KCNIP4: variants seen among roughly 807,000 people sequenced by gnomAD.
KCNIP4 encodes the protein Kv channel-interacting protein 4.
KCNIP4 carries 12 observed loss-of-function variants against 34.0 expected under a neutral mutation model. The ratio of observed to expected loss-of-function variants is 0.35; its 90% confidence interval spans 0.23 to 0.57. The LOEUF (loss-of-function observed/expected upper bound fraction) is 0.57, where lower values mean the gene tolerates loss of function less well. Among genes scored for constraint, KCNIP4 ranks in the 20% least tolerant of loss-of-function variants. The probability of loss-of-function intolerance (pLI) is 0.83; values close to 1 mark genes in which losing one functional copy is unlikely to be tolerated. For synonymous variants in KCNIP4, 124 were observed against 102.2 expected, an observed-to-expected ratio of 1.21 and a Z score of -1.29; for missense variants, 238 against 311.7, an observed-to-expected ratio of 0.76 and a Z score of 1.78.
chr4:21,533,441 A>G (rs1434729759), intron 1 of KCNIP4, among the ~76,000 whole-genome samples: 1 of 152,150 alleles, frequency 6.6e-6, no homozygotes, highest in Non-Finnish European at 1.5e-5. Flanking sequence ...AATGTGGTCC[A>G]GAACCAATAG....
At chr4:21,465,390 A>G (rs1030066174) in intron 1 of KCNIP4, among the ~76,000 whole-genome samples, 2 of 152,192 alleles carry the variant, frequency 1.3e-5, no homozygotes, top group South Asian at 2.1e-4. Context: ...GATTCTCTAC[A>G]TGCTCCTTTC....
At chr4:21,105,008 T>G (rs1438013850) in intron 1 of KCNIP4, among the ~76,000 whole-genome samples, 1 of 151,758 alleles carries the variant, frequency 6.6e-6, no homozygotes, top group Non-Finnish European at 1.5e-5. Flanking sequence ...CCTTGTAGTA[T>G]AGTCTGAAGT....
chr4:21,836,799 C>T (rs1029285330), intron 1 of KCNIP4, among the ~76,000 whole-genome samples: 1 of 151,628 alleles, frequency 6.6e-6, no homozygotes, highest in African/African-American at 2.4e-5. Context: ...TGTGGTCAGA[C>T]AACTGAGATA....
intron 1 of KCNIP4, among the ~76,000 whole-genome samples, chr4:21,178,935 A>G (rs1754642869): frequency 1.3e-5 from 2 of 150,436 alleles, no homozygotes; most frequent in Admixed American, 1.3e-4. Flanking sequence ...CTCCCACCTC[A>G]TCCTACTGAG....
At chr4:20,778,470 A>C (rs1028224871) in intron 3 of KCNIP4, among the ~76,000 whole-genome samples, 9 of 152,210 alleles carry the variant, frequency 5.9e-5, no homozygotes, top group Non-Finnish European at 1.3e-4. Context: ...TGACACACAC[A>C]CAAATCAGTA....
chr4:21,196,621 G>C (rs1756074776), intron 1 of KCNIP4, among the ~76,000 whole-genome samples: 1 of 152,160 alleles, frequency 6.6e-6, no homozygotes. Flanking sequence ...TTGGTTTGCT[G>C]TTCTGATATT....
At chr4:21,487,993 T>C (rs1019030328) in intron 1 of KCNIP4, among the ~76,000 whole-genome samples, 2 of 152,116 alleles carry the variant, frequency 1.3e-5, no homozygotes, top group African/African-American at 2.4e-5. Context: ...TATTGAAAAA[T>C]TGTATTAGAA....
At chr4:20,821,538 T>C (rs1217707215) in intron 3 of KCNIP4, among the ~76,000 whole-genome samples, 1 of 152,150 alleles carries the variant, frequency 6.6e-6, no homozygotes, top group African/African-American at 2.4e-5. Context: ...GTTACATGGA[T>C]AAGCTCTTTT....
At chr4:21,057,293 T>C (rs925763823) in intron 1 of KCNIP4, among the ~76,000 whole-genome samples, 7 of 152,208 alleles carry the variant, frequency 4.6e-5, no homozygotes, top group African/African-American at 1.4e-4. Flanking sequence ...ATGTAAACTT[T>C]TTTCAATTCA....
At chr4:20,999,624 A>C (rs1360669573) in intron 1 of KCNIP4, among the ~76,000 whole-genome samples, 1 of 152,002 alleles carries the variant, frequency 6.6e-6, no homozygotes, top group Non-Finnish European at 1.5e-5. Context: ...AGGCTGTTTC[A>C]GAAATTCAGG....
intron 1 of KCNIP4, among the ~76,000 whole-genome samples, chr4:21,312,573 T>G (rs1449268723): frequency 6.6e-6 from 1 of 152,134 alleles, no homozygotes; most frequent in Non-Finnish European, 1.5e-5. Context: ...TAGACGGGGG[T>G]TCCTTCGGTT....
chr4:21,059,178 T>C (rs930515064), intron 1 of KCNIP4, among the ~76,000 whole-genome samples: 1 of 152,132 alleles, frequency 6.6e-6, no homozygotes, highest in African/African-American at 2.4e-5. Context: ...TTAGCAAAGT[T>C]ACACAAGATA....
At chr4:21,576,126 C>T (rs1244341497) in intron 1 of KCNIP4, among the ~76,000 whole-genome samples, 1 of 152,166 alleles carries the variant, frequency 6.6e-6, no homozygotes, top group Non-Finnish European at 1.5e-5. Context: ...GGTAGAATGA[C>T]AGACTGAGTC....
At chr4:20,871,131 T>C (rs1392361115) in intron 2 of KCNIP4, among the ~76,000 whole-genome samples, 2 of 152,154 alleles carry the variant, frequency 1.3e-5, no homozygotes, top group African/African-American at 4.8e-5. Context: ...CATTTATTCA[T>C]TAAATATTGA....
chr4:21,157,727 A>G (rs1753246907), intron 1 of KCNIP4, among the ~76,000 whole-genome samples: 2 of 152,186 alleles, frequency 1.3e-5, no homozygotes, highest in African/African-American at 2.4e-5. Flanking sequence ...ATAGCAAAAA[A>G]GATATCAAAT....
At chr4:21,530,315 C>G (rs1736570268) in intron 1 of KCNIP4, among the ~76,000 whole-genome samples, 1 of 152,162 alleles carries the variant, frequency 6.6e-6, no homozygotes, top group South Asian at 2.1e-4. Context: ...CTACACAACC[C>G]TGAAACTGGG....
chr4:20,897,503 GC>G (rs1308425571), intron 1 of KCNIP4, among the ~76,000 whole-genome samples: 3 of 151,794 alleles, frequency 2.0e-5, no homozygotes. Flanking sequence ...AATTGTACCT[GC>G]CCCTCCCTCC....
intron 1 of KCNIP4, among the ~76,000 whole-genome samples, chr4:21,157,200 C>T (rs1026950865): frequency 2.6e-5 from 4 of 152,088 alleles, no homozygotes; most frequent in Non-Finnish European, 5.9e-5. Flanking sequence ...ATAAATCACT[C>T]AGTACACATA....
chr4:21,304,936 G>A (rs7654826), intron 1 of KCNIP4, among the ~76,000 whole-genome samples: 1 of 151,114 alleles, frequency 6.6e-6, no homozygotes, highest in African/African-American at 2.4e-5. Context: ...AAATAATGAT[G>A]TAAGTAAATT....
Sources: gnomAD v4.1 joint callset for allele counts (sites outside exome capture counted in the v4.1 genomes callset) on GRCh38, gnomAD v4.1.1 for gene constraint, MANE v1.5 for transcripts, NCBI Gene and HGNC (gene_info 2026-07-23, HGNC 2026-07-21) for gene names.